GLCE: variants seen among roughly 807,000 people sequenced by gnomAD.
The protein encoded by GLCE is D-glucuronyl C5-epimerase.
GLCE carries 19 observed loss-of-function variants against 47.9 expected under a neutral mutation model. That is an observed-to-expected ratio of 0.40 (90% CI 0.28 to 0.58). The LOEUF is 0.58. GLCE is among the 20% of genes least tolerant of loss of function. The pLI, the probability that GLCE is intolerant of heterozygous loss-of-function variation, is 0.48. For missense variants in GLCE, 556 were observed against 743.3 expected, an observed-to-expected ratio of 0.75 and a Z score of 2.93; for synonymous variants, 245 against 263.4, an observed-to-expected ratio of 0.93 and a Z score of 0.68.
At chr15:69,245,098 A>G (rs750952259) in intron 2 of GLCE, among the ~76,000 whole-genome samples, 5 of 152,214 alleles carry the variant, frequency 3.3e-5, no homozygotes, top group Non-Finnish European at 7.4e-5. Flanking sequence ...TTGGGAGGCC[A>G]AGGTGGGGAG....
chr15:69,255,296 A>C (rs145828179), intron 2 of GLCE, among the ~76,000 whole-genome samples: 1 of 152,198 alleles, frequency 6.6e-6, no homozygotes, highest in African/African-American at 2.4e-5. Flanking sequence ...AAAATACAAA[A>C]TGCTTCAAAA....
chr15:69,206,139 T>C (rs982969620), intron 1 of GLCE, among the ~76,000 whole-genome samples: 4 of 152,120 alleles, frequency 2.6e-5, no homozygotes, highest in African/African-American at 9.6e-5. Flanking sequence ...TTCTTTGTTT[T>C]TCATAAACTT....
intron 1 of GLCE, among the ~76,000 whole-genome samples, chr15:69,176,886 A>G (rs1484566243): frequency 2.0e-5 from 3 of 152,230 alleles, no homozygotes; most frequent in Non-Finnish European, 2.9e-5. Context: ...TGATTGTACA[A>G]TGTCCACCAC....
chr15:69,169,849 A>C (rs2051563396), intron 1 of GLCE, among the ~76,000 whole-genome samples: 1 of 152,162 alleles, frequency 6.6e-6, no homozygotes, highest in Non-Finnish European at 1.5e-5. Flanking sequence ...TGCCGCAATA[A>C]ACATACGAAC....
At chr15:69,208,907 A>C (rs1251554637) in intron 1 of GLCE, among the ~76,000 whole-genome samples, 7 of 152,038 alleles carry the variant, frequency 4.6e-5, no homozygotes, top group African/African-American at 9.7e-5. Flanking sequence ...TTTAAATGTG[A>C]GGGTTCCAAA....
At chr15:69,171,717 G>C (rs2051592426) in intron 1 of GLCE, among the ~76,000 whole-genome samples, 1 of 152,038 alleles carries the variant, frequency 6.6e-6, no homozygotes, top group Non-Finnish European at 1.5e-5. Flanking sequence ...TCTTTTTAAG[G>C]CCCTTATTTC....
At chr15:69,246,164 C>T (rs1423605973) in intron 2 of GLCE, among the ~76,000 whole-genome samples, 1 of 152,188 alleles carries the variant, frequency 6.6e-6, no homozygotes, top group Non-Finnish European at 1.5e-5. Flanking sequence ...GGTTCTCTTG[C>T]TGTTTTCACC....
intron 2 of GLCE, among the ~76,000 whole-genome samples, chr15:69,230,341 C>T (rs1487235638): frequency 2.6e-5 from 4 of 151,872 alleles, no homozygotes; most frequent in African/African-American, 4.8e-5. Flanking sequence ...GTATGAAGGA[C>T]ATTTGATAAT....
chr15:69,261,474 A>G (rs746316184), intron 4 of GLCE, 145 bp downstream of exon 4: 7 of 764,730 alleles, frequency 9.2e-6, no homozygotes, highest in East Asian at 2.6e-5. Flanking sequence ...TGTCACCCCA[A>G]TGAAATCTCT....
At chr15:69,256,417 C>G in intron 3 of GLCE, 25 bp downstream of exon 3, 2 of 1,453,446 alleles carry the variant, frequency 1.4e-6, no homozygotes, top group South Asian at 1.1e-5. Context: ...GCTTCACTTG[C>G]ATTTTTCAAG....
intron 4 of GLCE, among the ~76,000 whole-genome samples, chr15:69,261,644 TCAGTA>T (rs1173273252): frequency 6.6e-6 from 1 of 152,190 alleles, no homozygotes; most frequent in East Asian, 1.9e-4. Context: ...ATTTAATATT[TCAGTA>T]CAGTATAGTT....
intron 4 of GLCE, chr15:69,266,633 C>A: frequency 3.5e-6 from 1 of 286,566 alleles, no homozygotes; most frequent in Non-Finnish European, 5.2e-6. Context: ...CATTTCTGAT[C>A]TTTGCTCCTG....
At chr15:69,170,787 G>T (rs1346231442) in intron 1 of GLCE, among the ~76,000 whole-genome samples, 1 of 152,188 alleles carries the variant, frequency 6.6e-6, no homozygotes, top group Non-Finnish European at 1.5e-5. Context: ...TAAGACAAGT[G>T]GCCTTAGCGC....
chr15:69,210,510 A>C (rs941227585), intron 2 of GLCE, 104 bp downstream of exon 2: 1 of 152,114 alleles, frequency 6.6e-6, no homozygotes, highest in Non-Finnish European at 1.5e-5. Context: ...TGTTTAATAA[A>C]ATTTAATTAT....
intron 1 of GLCE, among the ~76,000 whole-genome samples, chr15:69,184,828 G>A (rs1468502484): frequency 6.6e-6 from 1 of 152,200 alleles, no homozygotes; most frequent in African/African-American, 2.4e-5. Context: ...GTACCAGGAA[G>A]GAGCTATATG....
chr15:69,233,221 A>G (rs1050270575), intron 2 of GLCE, among the ~76,000 whole-genome samples: 2 of 152,154 alleles, frequency 1.3e-5, no homozygotes, highest in Admixed American at 6.5e-5. Context: ...ACCTCTAAGG[A>G]TTTAGGTGTA....
chr15:69,205,167 C>G (rs183412497), intron 1 of GLCE, among the ~76,000 whole-genome samples: 60 of 152,092 alleles, frequency 3.9e-4, no homozygotes, highest in Non-Finnish European at 5.9e-5. Context: ...TGCTCCCCCC[C>G]ACCCCTCAAT....
At chr15:69,188,952 C>A (rs79129323) in intron 1 of GLCE, among the ~76,000 whole-genome samples, 1,749 of 152,040 alleles carry the variant, frequency 0.012, 26 homozygotes, top group African/African-American at 0.038. Flanking sequence ...GTTCTTATAT[C>A]CCCCCCACCA....
chr15:69,213,257 A>G (rs2052257908), intron 2 of GLCE, among the ~76,000 whole-genome samples: 1 of 152,076 alleles, frequency 6.6e-6, no homozygotes, highest in African/African-American at 2.4e-5. Flanking sequence ...TACAGACCTT[A>G]TTAGAATTTC....
Sources: allele counts gnomAD v4.1 joint callset (sites outside exome capture counted in the v4.1 genomes callset), GRCh38; gene constraint gnomAD v4.1.1; transcripts MANE v1.5; gene names NCBI Gene and HGNC (gene_info 2026-07-23, HGNC 2026-07-21).